CACNA1C: variants seen among roughly 807,000 people sequenced by gnomAD.
CACNA1C encodes calcium voltage-gated channel subunit alpha1 C.
CACNA1C carries 30 observed loss-of-function variants against 229.0 expected under a neutral mutation model. The ratio of observed to expected loss-of-function variants is 0.13; its 90% CI spans 0.10 to 0.18. The LOEUF (loss-of-function observed/expected upper bound fraction) is 0.18. CACNA1C is among the 10% of genes least tolerant of loss of function. The probability of loss-of-function intolerance (pLI) is 1.00; values close to 1 mark genes in which losing one functional copy is unlikely to be tolerated. For synonymous variants in CACNA1C, 1,114 were observed against 1,132.5 expected, an observed-to-expected ratio of 0.98 and a Z score of 0.33; for missense variants, 1,658 against 2,845.0, an observed-to-expected ratio of 0.58 and a Z score of 9.49.
At chr12:2,168,769 G>A (rs1367735559) in intron 3 of CACNA1C, among the ~76,000 whole-genome samples, 2 of 152,156 alleles carry the variant, frequency 1.3e-5, no homozygotes, top group East Asian at 3.9e-4. Context: ...TCATTGCAAA[G>A]TGTACCCAAA....
At chr12:2,416,739 T>C (rs1222968822) in intron 3 of CACNA1C, among the ~76,000 whole-genome samples, 2 of 152,218 alleles carry the variant, frequency 1.3e-5, no homozygotes, top group African/African-American at 4.8e-5. Context: ...TAATTTTTAC[T>C]TGACACTGAC....
chr12:2,634,351 A>G lies in CACNA1C; in HGVS notation c.3883A>G (p.Ile1295Val). ...TGACGCCTTGATTGTTGTGGGTAGC[A>G]TTGTTGATATAGCAATCACCGAGGT... ...TFDALIVVGS[I>V]VDIAITEVNP... Residue 1295 changes from isoleucine (I) to valine (V), a missense_variant, in exon 30 of 47, where the codon ATT becomes GTT. Physicochemically the swap from Ile to Val is conservative, Grantham distance 29. Around this residue, in one of 20 missense-constraint regions of CACNA1C, gnomAD observed 38 missense variants for 53.3 expected, o/e 0.71. Transcript: ENST00000399655. The G allele has an allele frequency of 1.9e-6, 3 of 1,583,512 alleles. No individual in the cohort carries two copies. In the South Asian group the frequency reaches 3.5e-5, roughly 18 times the overall value.
At chr12:2,324,674 G>C (rs2096204299) in intron 3 of CACNA1C, among the ~76,000 whole-genome samples, 1 of 152,358 alleles carries the variant, frequency 6.6e-6, no homozygotes, top group East Asian at 1.9e-4. Context: ...AGGCTTGCTG[G>C]TAGACTCCAG....
At chr12:2,543,501 C>T (rs1568329596) in intron 9 of CACNA1C, among the ~76,000 whole-genome samples, 1 of 152,180 alleles carries the variant, frequency 6.6e-6, no homozygotes, top group Non-Finnish European at 1.5e-5. Context: ...GCTTTGATAC[C>T]ACTATGTAAT....
chr12:2,311,957 G>T (rs879597831), intron 3 of CACNA1C, among the ~76,000 whole-genome samples: 3 of 152,164 alleles, frequency 2.0e-5, no homozygotes, highest in African/African-American at 7.2e-5. Flanking sequence ...AGAGCAGGGT[G>T]TTCAGACTAT....
chr12:2,068,127 C>T (rs1467446087), intron 1 of CACNA1C, among the ~76,000 whole-genome samples: 1 of 152,140 alleles, frequency 6.6e-6, no homozygotes, highest in Non-Finnish European at 1.5e-5. Flanking sequence ...TCCCTGTAAT[C>T]AAGAAAAATA....
chr12:2,574,591 C>G (rs371315998), intron 13 of CACNA1C, among the ~76,000 whole-genome samples: 2 of 152,194 alleles, frequency 1.3e-5, no homozygotes, highest in East Asian at 3.9e-4. Context: ...TAAATCTTGG[C>G]CACATATGGG....
At chr12:2,337,043 G>A (rs1019501694) in intron 3 of CACNA1C, among the ~76,000 whole-genome samples, 3 of 152,186 alleles carry the variant, frequency 2.0e-5, no homozygotes, top group African/African-American at 7.2e-5. Flanking sequence ...CAATGCATAT[G>A]GGAAGCTGGC....
In CACNA1C at chr12:2,351,893, G is replaced by T. The variant is rs60632623; in HGVS notation, c.478-97083G>T. Among the ~76,000 whole-genome samples, 878 of 152,306 alleles carry T rather than the reference G, an allele frequency of 5.8e-3. 6 individuals carry two copies. Among genetic ancestry groups the T allele is most frequent in the African/African-American group, 0.02 (832 of 41,550 alleles). On this transcript the variant is annotated intron_variant, in intron 3 of 46. Coordinates refer to ENST00000399655, the MANE Select transcript of CACNA1C (RefSeq NM_000719.7). Reference sequence around the variant, plus strand: ...CCAACAAGGAGACGGGAGCAAGGAAGAGACATCCCCAGGCTCTGGAAAGTC... The same window carrying T: ...CCAACAAGGAGACGGGAGCAAGGAATAGACATCCCCAGGCTCTGGAAAGTC...
In CACNA1C at chr12:1,989,994, C is replaced by T. The variant is rs527478856; in HGVS notation, c.139+18793C>T. Among the ~76,000 whole-genome samples the T allele has an allele frequency of 3.0e-4, 45 of 152,280 alleles. 1 individual carries two copies. The South Asian group carries it at 6.8e-3, about 23-fold the overall frequency. On this transcript the variant is annotated intron_variant, in intron 1 of 46. Transcript: ENST00000682462. ...CTTGCTTTTTAAACCTTGGAGCGTA[C>T]TCTAAAATAACTAAGTGTTTGTAAA...
intron 3 of CACNA1C, among the ~76,000 whole-genome samples, chr12:2,375,972 C>T (rs2098046622): frequency 6.6e-6 from 1 of 152,190 alleles, no homozygotes; most frequent in Non-Finnish European, 1.5e-5. Flanking sequence ...TAGAAACAGT[C>T]CAAGAAGAAC....
At position 2,410,091 on chromosome 12, in the gene CACNA1C, C is replaced by T. The variant is rs1460355138; in HGVS notation, c.478-38885C>T. Among the ~76,000 whole-genome samples, 3 of 152,210 alleles carry T rather than the reference C, an allele frequency of 2.0e-5. No individual in the cohort carries two copies. The highest frequency in any genetic ancestry group is 2.1e-4 in the South Asian group (1 of 4,828). Reference sequence around the variant, plus strand: ...GCGGGCCTCAGCAAGCTGGCAGCTTCGTCCTCTCAGACTGTGGGTTGCTTT... The same window carrying T: ...GCGGGCCTCAGCAAGCTGGCAGCTTTGTCCTCTCAGACTGTGGGTTGCTTT... On this transcript the variant is annotated intron_variant, in intron 3 of 46. Transcript: ENST00000399655. This position sits in a 1 kb window ranked among gnomAD's most constrained non-coding sequence, Gnocchi z 5.3.
intron 3 of CACNA1C, among the ~76,000 whole-genome samples, chr12:2,150,482 G>A (rs1460966750): frequency 6.6e-6 from 1 of 152,164 alleles, no homozygotes; most frequent in Admixed American, 6.5e-5. Context: ...CAAGAGCCGT[G>A]TTCACATCAT....
rs1011302631 is a variant in CACNA1C, at chr12:2,691,340, G to A, written c.*141G>A. The A allele has an allele frequency of 1.2e-5, 11 of 911,066 alleles. No individual in the cohort carries two copies. The African/African-American group carries it at 1.4e-4, about 11-fold the overall frequency. 56.4% of individuals were successfully genotyped at this position (911,066 alleles called of 1,614,324 possible). On this transcript the variant is annotated 3_prime_UTR_variant, in exon 47 of 47. Coordinates refer to ENST00000399655, the MANE Select transcript of CACNA1C (RefSeq NM_000719.7). ...CATTTCTGTTGGGACCAGACGCGGA[G>A]CCTGGGTGCGCGAGCCGCCCTCCGG...
chr12:2,283,922 A>G (rs1256987010), intron 3 of CACNA1C, among the ~76,000 whole-genome samples: 2 of 152,184 alleles, frequency 1.3e-5, no homozygotes, highest in African/African-American at 4.8e-5. Flanking sequence ...GGGGAGGAGT[A>G]AGGAGGGCCT....
chr12:2,401,770 TACGTGCCTGGCAGCTAGTAAGC>T (rs1334671759), intron 3 of CACNA1C, among the ~76,000 whole-genome samples: 1 of 152,276 alleles, frequency 6.6e-6, no homozygotes, highest in Non-Finnish European at 1.5e-5. Flanking sequence ...ATTAACTGAT[TACGTGCCTGGCAGCTAGTAAGC>T]ACTGAATGTT....
chr12:2,344,595 G>A (rs951376202), intron 3 of CACNA1C, among the ~76,000 whole-genome samples: 1 of 152,090 alleles, frequency 6.6e-6, no homozygotes, highest in Non-Finnish European at 1.5e-5. Context: ...TCCCTCAATA[G>A]TGTCTTGAGT....
intron 34 of CACNA1C, among the ~76,000 whole-genome samples, chr12:2,657,857 G>A (rs1040405392): frequency 1.3e-5 from 2 of 151,998 alleles, no homozygotes; most frequent in African/African-American, 4.8e-5. Flanking sequence ...CCAGGTGAAA[G>A]GCATTAAACA....
rs547495941 is a variant in CACNA1C, at chr12:2,678,472, G to A, written c.5091+605G>A. On this transcript the variant is annotated intron_variant, in intron 41 of 46. Coordinates refer to ENST00000399655, the MANE Select transcript of CACNA1C (RefSeq NM_000719.7). The surrounding 1 kb of genome is among the most constrained non-coding windows in gnomAD (Gnocchi z 4.1). ...AAACGGCTGTACCAGAATAAGGGGC[G>A]TTTATCACTCATTTGTGTTGCCTGC... Among the ~76,000 whole-genome samples, 6 of 152,198 alleles carry A rather than the reference G, an allele frequency of 3.9e-5. No homozygotes were observed. Among genetic ancestry groups the A allele is most frequent in the African/African-American group, 1.2e-4 (5 of 41,448 alleles).
Sources: allele counts gnomAD v4.1 joint callset (sites outside exome capture counted in the v4.1 genomes callset), GRCh38; gene constraint gnomAD v4.1.1; regional missense constraint gnomAD v4.1.1; non-coding constraint Gnocchi (gnomAD v3.1); transcripts MANE v1.5; gene names NCBI Gene and HGNC (gene_info 2026-07-23, HGNC 2026-07-21).